The following SRGAP3 variants were observed in gnomAD, a reference collection of about 807,000 sequenced individuals.
SRGAP3 encodes the protein SLIT-ROBO Rho GTPase activating protein 3, also known as SLIT-ROBO Rho GTPase-activating protein 3.
In SRGAP3, 39 loss-of-function variants were observed where a neutral mutation model predicts 121.1. The observed-to-expected ratio is 0.32, with a 90% CI of 0.25 to 0.42. SRGAP3 has a LOEUF of 0.42. SRGAP3 is among the 10% of genes least tolerant of loss of function. The pLI, the probability that SRGAP3 is intolerant of heterozygous loss-of-function variation, is 1.00. For missense variants in SRGAP3, 1,213 were observed against 1,470.6 expected, an observed-to-expected ratio of 0.82 and a Z score of 2.86; for synonymous variants, 601 against 570.0, an observed-to-expected ratio of 1.05 and a Z score of -0.77.
chr3:9,202,716 C>T (rs1952110486), intron 1 of SRGAP3, among the ~76,000 whole-genome samples: 1 of 152,228 alleles, frequency 6.6e-6, no homozygotes, highest in Non-Finnish European at 1.5e-5. Context: ...CCTGAATCTC[C>T]CGCAGGCCTG....
At chr3:9,286,671 C>T (rs906794851) in intron 3 of SRGAP3, among the ~76,000 whole-genome samples, 6 of 151,344 alleles carry the variant, frequency 4.0e-5, no homozygotes, top group East Asian at 2.0e-4. Flanking sequence ...GGCGCGATCT[C>T]GGCTCACTAC....
At chr3:9,280,762 A>G (rs1187765190) in intron 3 of SRGAP3, among the ~76,000 whole-genome samples, 1 of 152,148 alleles carries the variant, frequency 6.6e-6, no homozygotes, top group Admixed American at 6.6e-5. Flanking sequence ...TTTCTCTCCA[A>G]TCTGATTTTC....
rs111732516 is a variant in SRGAP3, at chr3:9,167,100, T to C, written c.68-42183A>G. Among the ~76,000 whole-genome samples the C allele has an allele frequency of 6.4e-3, 982 of 152,302 alleles. 9 individuals carry two copies. Among genetic ancestry groups the C allele is most frequent in the African/African-American group, 0.022 (919 of 41,564 alleles). ...TGCGAACCAGCAGCCTTGAGAGACATGATGCTCTCCCACCATCAGCAGAAG... is the reference window on the plus strand; with the variant it reads ...TGCGAACCAGCAGCCTTGAGAGACACGATGCTCTCCCACCATCAGCAGAAG... On this transcript the variant is annotated intron_variant, in intron 1 of 21. Coordinates refer to ENST00000383836, the MANE Select transcript of SRGAP3 (RefSeq NM_014850.4).
chr3:9,228,586 G>A (rs1002052775), intron 1 of SRGAP3, among the ~76,000 whole-genome samples: 2 of 152,198 alleles, frequency 1.3e-5, no homozygotes, highest in Admixed American at 1.3e-4. Flanking sequence ...ATGCACGGCA[G>A]GCACCCTATG....
Position 8,984,712 on chromosome 3 carries a change from G to A in SRGAP3, c.*807C>T. 4.3e-6 allele frequency: 1 copy of A among 232,528 alleles called. No individual in the cohort carries two copies. Among genetic ancestry groups the A allele is most frequent in the Non-Finnish European group, 8.5e-6 (1 of 117,348 alleles). The allele number at this position is 232,528 out of a possible 1,614,324, so 14.4% of individuals were successfully genotyped here. On this transcript the variant is annotated 3_prime_UTR_variant, in exon 22 of 22. Transcript: ENST00000383836. ...TGGCCTTTGGCCTCCGGGTGGAAGG[G>A]CAGGGTCTCTGGGGTGGACGGGGGT...
intron 3 of SRGAP3, among the ~76,000 whole-genome samples, chr3:9,263,685 C>G (rs1954297251): frequency 6.6e-6 from 1 of 151,256 alleles, no homozygotes; most frequent in South Asian, 2.1e-4. Context: ...AAACTTGAAT[C>G]CCTGAAGAGA....
At chr3:8,990,924 A>G in intron 20 of SRGAP3, 85 bp from the exon 21 acceptor site, 4 of 1,203,350 alleles carry the variant, frequency 3.3e-6, no homozygotes, top group Non-Finnish European at 4.5e-6. Context: ...CCCATGCCAC[A>G]CACTACACGC....
intron 3 of SRGAP3, among the ~76,000 whole-genome samples, chr3:9,269,704 A>G (rs1434386603): frequency 6.6e-6 from 1 of 152,226 alleles, no homozygotes; most frequent in African/African-American, 2.4e-5. Context: ...AGTTATCCCA[A>G]GAGAGGGCAA....
At chr3:9,310,646 A>C (rs950011735) in intron 3 of SRGAP3, among the ~76,000 whole-genome samples, 5 of 152,210 alleles carry the variant, frequency 3.3e-5, no homozygotes, top group African/African-American at 1.2e-4. Context: ...TACCTCAAGA[A>C]AAGAACCTGG....
At chr3:8,987,833 T>G (rs1384299648) in intron 21 of SRGAP3, among the ~76,000 whole-genome samples, 1 of 152,172 alleles carries the variant, frequency 6.6e-6, no homozygotes, top group Non-Finnish European at 1.5e-5. Flanking sequence ...ATCTCTGCCA[T>G]GTGCCAGCCC....
At chr3:9,106,625 G>A (rs1164960897) in intron 2 of SRGAP3, among the ~76,000 whole-genome samples, 1 of 152,120 alleles carries the variant, frequency 6.6e-6, no homozygotes, top group African/African-American at 2.4e-5. Context: ...TAGTGAATAC[G>A]TTTCATAAGA....
intron 3 of SRGAP3, among the ~76,000 whole-genome samples, chr3:9,267,904 A>G (rs886615547): frequency 6.6e-6 from 1 of 152,230 alleles, no homozygotes; most frequent in African/African-American, 2.4e-5. Flanking sequence ...GGGAATCCCT[A>G]TGACAACTCT....
In SRGAP3 at chr3:9,180,359, G is replaced by A. The variant is rs139831599; in HGVS notation, c.68-55442C>T. The stretch of plus-strand genomic sequence containing the variant: ...TAATAAGAGTTACAGCAGGGTGAGC[G>A]GGAAGCCACAGGAAGTGAGGCTAGG... On this transcript the variant is annotated intron_variant, in intron 1 of 21. Coordinates refer to ENST00000383836, the MANE Select transcript of SRGAP3 (RefSeq NM_014850.4). Among the ~76,000 whole-genome samples, 197 of 152,314 alleles carry A rather than the reference G, an allele frequency of 1.3e-3. 1 individual carries two copies. The highest frequency in any genetic ancestry group is 4.2e-3 in the African/African-American group (175 of 41,564).
At chr3:9,257,230 G>A (rs187700865) in intron 3 of SRGAP3, 13 of 163,664 alleles carry the variant, frequency 7.9e-5, no homozygotes, top group Non-Finnish European at 1.2e-4. Context: ...TCTTACTCTC[G>A]ATGTGATGCT....
At chr3:9,305,716 A>G (rs1175179337) in intron 3 of SRGAP3, among the ~76,000 whole-genome samples, 3 of 152,084 alleles carry the variant, frequency 2.0e-5, no homozygotes, top group Non-Finnish European at 4.4e-5. Context: ...AGTTTCATCC[A>G]TGTCCCTGCA....
chr3:9,358,652 T>A (rs530907213), intron 1 of SRGAP3, among the ~76,000 whole-genome samples: 1 of 152,348 alleles, frequency 6.6e-6, no homozygotes, highest in Admixed American at 6.5e-5. Flanking sequence ...TATCCCCACC[T>A]CAGATATCAG....
At chr3:9,292,339 A>C (rs1390590518) in intron 3 of SRGAP3, among the ~76,000 whole-genome samples, 2 of 152,136 alleles carry the variant, frequency 1.3e-5, no homozygotes, top group Admixed American at 1.3e-4. Flanking sequence ...ACACGTTGAG[A>C]ACCACTGCAT....
rs373536745 is a variant in SRGAP3, at chr3:9,085,441, C to A, written c.424-5354G>T. 3.0e-3 allele frequency among the ~76,000 whole-genome samples: 435 copies of A among 142,678 alleles called. 1 individual carries two copies. The highest frequency in any genetic ancestry group is 0.011 in the African/African-American group (409 of 37,806). 93.6% of individuals were successfully genotyped at this position (142,678 alleles called of 152,430 possible). Reference sequence around the variant, plus strand: ...ATCTAAAGTGAAAAATACCATTTGACCCAGCAATCCCATTACTGGGTATAT... The same window carrying A: ...ATCTAAAGTGAAAAATACCATTTGAACCAGCAATCCCATTACTGGGTATAT... On this transcript the variant is annotated intron_variant, in intron 3 of 21. Coordinates refer to ENST00000383836, the MANE Select transcript of SRGAP3 (RefSeq NM_014850.4).
intron 1 of SRGAP3, among the ~76,000 whole-genome samples, chr3:9,202,808 C>T (rs1952113857): frequency 6.6e-6 from 1 of 152,258 alleles, no homozygotes; most frequent in African/African-American, 2.4e-5. Context: ...AAGACCATTT[C>T]CCCAGCTGCC....
Sources: allele counts gnomAD v4.1 joint callset (sites outside exome capture counted in the v4.1 genomes callset), GRCh38; gene constraint gnomAD v4.1.1; transcripts MANE v1.5; gene names NCBI Gene and HGNC (gene_info 2026-07-23, HGNC 2026-07-21).